TOP2B: variants seen among roughly 807,000 people sequenced by gnomAD.
The protein encoded by TOP2B is DNA topoisomerase 2-beta.
Under a neutral mutation model 193.5 loss-of-function variants are expected in TOP2B, and 51 were observed. The ratio of observed to expected loss-of-function variants is 0.26; its 90% CI spans 0.21 to 0.33. The LOEUF is 0.33. Ranked by LOEUF, TOP2B falls within the 10% of genes least tolerant of loss-of-function variation. The pLI, the probability that TOP2B is intolerant of heterozygous loss-of-function variation, is 1.00. For missense variants in TOP2B, 1,378 were observed against 1,909.3 expected, an observed-to-expected ratio of 0.72 and a Z score of 5.19; for synonymous variants, 634 against 635.7, an observed-to-expected ratio of 1.00 and a Z score of 0.04.
chr3:25,611,642 C>G (rs753855697), intron 28 of TOP2B, among the ~76,000 whole-genome samples: 1 of 152,096 alleles, frequency 6.6e-6, no homozygotes, highest in Admixed American at 6.5e-5. Flanking sequence ...TTCCTTCTTC[C>G]GGCTAACTCT....
chr3:25,663,582 C>T (rs1703983536), intron 1 of TOP2B, among the ~76,000 whole-genome samples: 1 of 152,162 alleles, frequency 6.6e-6, no homozygotes, highest in Admixed American at 6.5e-5. Flanking sequence ...CAGCCCTCAC[C>T]CCGTTACACC....
At position 25,662,760 on chromosome 3, in the gene TOP2B, C is replaced by A. The variant is rs1042323969; in HGVS notation, c.69+1469G>T. ...AATCCACTACGGAGCAAAATGTTTACCATTATAGAACCAGAGGTCTTCAGA... is the reference window on the plus strand; with the variant it reads ...AATCCACTACGGAGCAAAATGTTTAACATTATAGAACCAGAGGTCTTCAGA... On this transcript the variant is annotated intron_variant, in intron 1 of 35. Transcript: ENST00000264331. Among the ~76,000 whole-genome samples the A allele has an allele frequency of 2.0e-5, 3 of 152,290 alleles. No homozygotes were observed. The South Asian group carries it at 6.2e-4, about 32-fold the overall frequency.
At chr3:25,606,320 A>G (rs1401740237) in intron 31 of TOP2B, among the ~76,000 whole-genome samples, 198 bp from the exon 32 acceptor site, 1 of 152,128 alleles carries the variant, frequency 6.6e-6, no homozygotes, top group East Asian at 1.9e-4. Context: ...ACACATACCC[A>G]TGATCCATGT....
Position 25,664,389 on chromosome 3 carries a change from C to T in TOP2B, c.-92G>A. ...GGGCCCCGCCGCTCCGCACCCACCG[C>T]TCCACTCGCCGCACTCCTAGCCGCG... On this transcript the variant is annotated 5_prime_UTR_variant, in exon 1 of 36. Transcript: ENST00000264331. 4 of 1,343,352 alleles carry T rather than the reference C, an allele frequency of 3.0e-6. No homozygotes were observed. Among genetic ancestry groups the T allele is most frequent in the Non-Finnish European group, 3.8e-6 (4 of 1,057,596 alleles). The allele number at this position is 1,343,352 out of a possible 1,614,324, so 83.2% of individuals were successfully genotyped here.
intron 16 of TOP2B, 67 bp from the exon 17 acceptor site, chr3:25,626,931 G>T: frequency 1.0e-6 from 1 of 969,200 alleles, no homozygotes; most frequent in African/African-American, 1.6e-5. Context: ...AAATTAAAAT[G>T]TATAAGTGGC....
chr3:25,662,135 A>G (rs1703933956), intron 1 of TOP2B, among the ~76,000 whole-genome samples: 2 of 152,246 alleles, frequency 1.3e-5, no homozygotes, highest in South Asian at 4.1e-4. Context: ...CATTAAGCCC[A>G]GCACTGTGCT....
chr3:25,655,992 A>C (rs1046419462), intron 1 of TOP2B, among the ~76,000 whole-genome samples: 7 of 152,224 alleles, frequency 4.6e-5, no homozygotes, highest in Non-Finnish European at 8.8e-5. Flanking sequence ...CTCTACACTT[A>C]ATGGCTAAGA....
intron 25 of TOP2B, among the ~76,000 whole-genome samples, chr3:25,617,729 T>C (rs1163299857): frequency 2.6e-5 from 4 of 152,210 alleles, no homozygotes; most frequent in African/African-American, 4.8e-5. Context: ...AATCACAATG[T>C]TGTACTGTTG....
Position 25,620,724 on chromosome 3 carries a change from G to A in TOP2B, c.2820C>T (p.Asn940=). The change falls in exon 22 of 36, where the codon AAC becomes AAT. Residue 940 remains asparagine (N), a synonymous_variant. Transcript: ENST00000264331. ...VSGEIFVVDR[N]TVEITELPVR... ...CTGGAAGCTCTGTAATTTCTACTGT[G>A]TTTCTGTCCACTACAAATATTTCAC... The A allele has an allele frequency of 6.2e-7, 1 of 1,613,014 alleles. No individual in the cohort carries two copies. The highest frequency in any genetic ancestry group is 8.5e-7 in the Non-Finnish European group (1 of 1,179,418).
chr3:25,650,374 C>T (rs960762677), intron 1 of TOP2B, among the ~76,000 whole-genome samples: 6 of 152,190 alleles, frequency 3.9e-5, no homozygotes, highest in East Asian at 1.9e-4. Flanking sequence ...TGTCTGCTTT[C>T]GCTTTGATTG....
Position 25,636,055 on chromosome 3 carries a change from A to G in TOP2B, c.733T>C (p.Ser245Pro). The G allele has an allele frequency of 6.2e-7, 1 of 1,613,306 alleles. No individual in the cohort carries two copies. The highest frequency in any genetic ancestry group is 8.5e-7 in the Non-Finnish European group (1 of 1,179,478). The stretch of plus-strand genomic sequence containing the variant: ...TCAAGTTTTTCCATCTTAAATTTGG[A>G]CAGATCTGGTTGGAATGTTATGCAT... Reference protein sequence around the residue: ...YTCITFQPDLSKFKMEKLDKD... With the variant: ...YTCITFQPDLPKFKMEKLDKD... Residue 245 changes from serine to proline, a missense_variant, in exon 7 of 36, where the codon TCC becomes CCC. Coordinates refer to ENST00000264331, the MANE Select transcript of TOP2B (RefSeq NM_001330700.2).
chr3:25,644,110 T>C (rs1703344583), intron 2 of TOP2B, among the ~76,000 whole-genome samples: 1 of 152,090 alleles, frequency 6.6e-6, no homozygotes, highest in South Asian at 2.1e-4. Context: ...GCTTTTTTTT[T>C]TTTTTATAAT....
chr3:25,660,378 C>T (rs748792172), intron 1 of TOP2B, among the ~76,000 whole-genome samples: 1 of 152,140 alleles, frequency 6.6e-6, no homozygotes, highest in Non-Finnish European at 1.5e-5. Flanking sequence ...AGTTATCATG[C>T]ATGAAAGTTA....
chr3:25,599,574 T>C (rs754585511), intron 34 of TOP2B, 45 bp from the exon 35 acceptor site: 1 of 1,535,374 alleles, frequency 6.5e-7, no homozygotes, highest in South Asian at 1.2e-5. Flanking sequence ...TTAAGTGCAA[T>C]ATAAAAAGAT....
intron 1 of TOP2B, among the ~76,000 whole-genome samples, chr3:25,645,908 C>T (rs1180354378): frequency 2.0e-5 from 3 of 151,388 alleles, no homozygotes; most frequent in East Asian, 1.9e-4. Context: ...TACAGGTGCG[C>T]ACCACTATGC....
intron 10 of TOP2B, among the ~76,000 whole-genome samples, chr3:25,631,583 A>T (rs1469421823): frequency 2.6e-5 from 4 of 152,058 alleles, no homozygotes; most frequent in Non-Finnish European, 4.4e-5. Flanking sequence ...TGTTAGGTGT[A>T]TAAAACAGTT....
At chr3:25,657,794 G>A (rs1703788044) in intron 1 of TOP2B, among the ~76,000 whole-genome samples, 3 of 152,206 alleles carry the variant, frequency 2.0e-5, no homozygotes, top group Non-Finnish European at 4.4e-5. Context: ...GGGCGCGGTG[G>A]CTGACGCCTG....
chr3:25,609,034 G>A (rs1212833322), intron 30 of TOP2B, 149 bp downstream of exon 30: 10 of 516,756 alleles, frequency 1.9e-5, no homozygotes, highest in Non-Finnish European at 3.1e-5. Flanking sequence ...TTGCTAGAAA[G>A]ACTGTTCTAT....
chr3:25,643,214 T>A (rs1703313770), intron 3 of TOP2B, among the ~76,000 whole-genome samples: 1 of 152,204 alleles, frequency 6.6e-6, no homozygotes, highest in Non-Finnish European at 1.5e-5. Flanking sequence ...AACTAGGCAT[T>A]CACATAATTT....
Sources: allele counts gnomAD v4.1 joint callset (sites outside exome capture counted in the v4.1 genomes callset), GRCh38; gene constraint gnomAD v4.1.1; transcripts MANE v1.5; gene names NCBI Gene and HGNC (gene_info 2026-07-23, HGNC 2026-07-21).